Variants in NCCRP1 observed in about 807,000 individuals in gnomAD.
The protein encoded by NCCRP1 is F-box only protein 50.
NCCRP1 carries 32 observed loss-of-function variants against 34.4 expected under a neutral mutation model. The ratio of observed to expected loss-of-function variants is 0.93; its 90% CI spans 0.70 to 1.25. NCCRP1 has a LOEUF of 1.25. Ranked by LOEUF, NCCRP1 falls within the 50% of genes most tolerant of loss-of-function variation. The pLI is 0.00. For synonymous variants in NCCRP1, 172 were observed against 180.1 expected (o/e 0.95, Z 0.36); for missense variants, 372 against 391.8 (o/e 0.95, Z 0.43).
At chr19:39,197,925 C>T in intron 1 of NCCRP1, 128 bp from the exon 2 acceptor site, 2 of 1,065,752 alleles carry the variant, frequency 1.9e-6, no homozygotes, top group East Asian at 2.4e-5. Context: ...ACTCACTCAT[C>T]CCTGCCGGGC....
chr19:39,197,504 A>G (rs1368203077), intron 1 of NCCRP1, among the ~76,000 whole-genome samples, 185 bp downstream of exon 1: 2 of 150,888 alleles, frequency 1.3e-5, no homozygotes, highest in African/African-American at 4.9e-5. Context: ...CATGTCTCTT[A>G]CCTACCTCTC....
At position 39,198,220 on chromosome 19, in the gene NCCRP1, A is replaced by G; in HGVS notation, c.419A>G (p.Tyr140Cys). The change falls in exon 3 of 6, where the codon TAC becomes TGC. Residue 140 changes from tyrosine (Y) to cysteine (C), a missense_variant. Physicochemically the swap from Tyr to Cys is radical, Grantham distance 194. Transcript: ENST00000339852. ...CCTGCAGGCAATTTCCGTGGCTGGT[A>G]CATTAGAACTGAAAAGCTCCAGCAG... ...LETLGNFRGW[Y>C]IRTEKLQQNQ... 2 of 1,614,156 alleles carry G rather than the reference A, an allele frequency of 1.2e-6. No individual in the cohort carries two copies. Among genetic ancestry groups the G allele is most frequent in the Non-Finnish European group, 1.7e-6 (2 of 1,180,030 alleles).
In NCCRP1 at chr19:39,200,901, C is replaced by A; in HGVS notation, c.*145C>A. On this transcript the variant is annotated 3_prime_UTR_variant, in exon 6 of 6. Coordinates refer to ENST00000339852, the MANE Select transcript of NCCRP1 (RefSeq NM_001001414.2). The surrounding 1 kb of genome is among the most constrained non-coding windows in gnomAD (Gnocchi z 5.8). ...GCTTCACACACCCTTAAGCGGTGGA[C>A]TCCAGCATTTTCCCAGCACTGTCTG... The A allele has an allele frequency of 1.9e-6, 2 of 1,028,610 alleles. No homozygotes were observed. The highest frequency in any genetic ancestry group is 2.8e-6 in the Non-Finnish European group (2 of 714,720). The allele number at this position is 1,028,610 out of a possible 1,614,324, so 63.7% of individuals were successfully genotyped here.
At chr19:39,198,587 G>C (rs1488103816) in intron 3 of NCCRP1, among the ~76,000 whole-genome samples, 1 of 152,080 alleles carries the variant, frequency 6.6e-6, no homozygotes, top group Non-Finnish European at 1.5e-5. Context: ...AGCCTCCTGA[G>C]TAGCTAGGAT....
Position 39,200,810 on chromosome 19 carries a change from C to T in NCCRP1, c.*54C>T, listed in dbSNP as rs1031422463. 6.4e-7 allele frequency: 1 copy of T among 1,559,138 alleles called. No individual in the cohort carries two copies. The highest frequency in any genetic ancestry group is 8.6e-7 in the Non-Finnish European group (1 of 1,159,072). Reference sequence around the variant, plus strand: ...AGCACCTCCCTGACCTTTAGGAGCCCCAACTCTTAGTCACCTCCTAGGCCT... The same window carrying T: ...AGCACCTCCCTGACCTTTAGGAGCCTCAACTCTTAGTCACCTCCTAGGCCT... On this transcript the variant is annotated 3_prime_UTR_variant, in exon 6 of 6. Transcript: ENST00000339852. The surrounding 1 kb of genome is among the most constrained non-coding windows in gnomAD (Gnocchi z 5.8).
chr19:39,197,192 G>A lies in NCCRP1; in HGVS notation c.210G>A (p.Arg70=). 7.0e-7 allele frequency: 1 copy of A among 1,427,800 alleles called. No individual in the cohort carries two copies. Among genetic ancestry groups the A allele is most frequent in the Non-Finnish European group, 9.1e-7 (1 of 1,104,738 alleles). 88.4% of individuals were successfully genotyped at this position (1,427,800 alleles called of 1,614,324 possible). The change falls in exon 1 of 6, where the codon CGG becomes CGA. Residue 70 remains arginine (R), a synonymous_variant. Transcript: ENST00000339852. The part of the protein sequence containing the change: ...EPAQPSEAHA[R]QLLLEEWGPL... ...CGCAGCCGTCCGAGGCTCACGCCCG[G>A]CAGCTGCTGCTGGAGGAGTGGGGGC...
chr19:39,197,284 T>TCTAC lies in NCCRP1; in HGVS notation c.304_307dup (p.Arg103LeufsTer17). 3.4e-6 allele frequency: 5 copies of TCTAC among 1,491,074 alleles called. No individual in the cohort carries two copies. The highest frequency in any genetic ancestry group is 3.5e-6 in the Non-Finnish European group (4 of 1,130,986). The allele number at this position is 1,491,074 out of a possible 1,614,324, so 92.4% of individuals were successfully genotyped here. On this transcript the variant is annotated frameshift_variant, in exon 1 of 6. Coordinates refer to ENST00000339852, the MANE Select transcript of NCCRP1 (RefSeq NM_001001414.2). LOFTEE classifies it high-confidence loss of function. ...AAGCTGCTCCTGTTGCGGCGGCCGC[T>TCTAC]CTACCGCAACCTGCTGCGCTCGCCC...
Position 39,198,251 on chromosome 19 carries a change from A to G in NCCRP1, c.450A>G (p.Gln150=), listed in dbSNP as rs768614219. ...GAACTGAAAAGCTCCAGCAGAACCA[A>G]AGGTGAGTCGCCAGGGCCAGTGTGG... is the stretch of plus-strand genomic sequence containing the variant. ...YIRTEKLQQN[Q]SWTVKQQCVD... The change falls in exon 3 of 6, where the codon CAA becomes CAG. Residue 150 remains glutamine (Q), a splice_region_variant and synonymous_variant. Coordinates refer to ENST00000339852, the MANE Select transcript of NCCRP1 (RefSeq NM_001001414.2). 6.2e-7 allele frequency: 1 copy of G among 1,614,010 alleles called. No individual in the cohort carries two copies. The highest frequency in any genetic ancestry group is 8.5e-7 in the Non-Finnish European group (1 of 1,179,980).
Position 39,200,349 on chromosome 19 carries a change from C to G in NCCRP1, c.552C>G (p.Phe184Leu), listed in dbSNP as rs779504590. 1.2e-6 allele frequency: 2 copies of G among 1,613,200 alleles called. No individual in the cohort carries two copies. Among genetic ancestry groups the G allele is most frequent in the African/African-American group, 1.3e-5 (1 of 74,932 alleles). The change falls in exon 5 of 6, where the codon TTC becomes TTG. Residue 184 changes from phenylalanine to leucine, a missense_variant. Phe to Leu is a conservative substitution (Grantham distance 22). Coordinates refer to ENST00000339852, the MANE Select transcript of NCCRP1 (RefSeq NM_001001414.2). This position sits in a 1 kb window ranked among gnomAD's most constrained non-coding sequence, Gnocchi z 5.8. ...AAGGCCTTGACTCCGCCTGCAGGTT[C>G]GAGGACAGCCGGCTGGATGCGTGCG... ...EQPAITVMDW[F>L]EDSRLDACVY...
chr19:39,200,713 C>T lies in NCCRP1; in HGVS notation c.785C>T (p.Thr262Ile), dbSNP rs1448136556. The T allele has an allele frequency of 1.2e-6, 2 of 1,613,698 alleles. No homozygotes were observed. Among genetic ancestry groups the T allele is most frequent in the East Asian group, 4.5e-5 (2 of 44,880 alleles). The change falls in exon 6 of 6, where the codon ACA (threonine) becomes ATA (isoleucine). Residue 262 changes from threonine (T) to isoleucine (I), a missense_variant. Transcript: ENST00000339852. The surrounding 1 kb of genome is among the most constrained non-coding windows in gnomAD (Gnocchi z 5.8). ...ATGGAGCCTGGTGGGCTGCGGCGGA[C>T]ACGGGTGACCGACTCCTCCGTGTCT... Reference protein sequence around the residue: ...NRMEPGGLRRTRVTDSSVSVQ... With the variant: ...NRMEPGGLRRIRVTDSSVSVQ...
At position 39,197,135 on chromosome 19, in the gene NCCRP1, A is replaced by G. The variant is rs1465525296; in HGVS notation, c.153A>G (p.Ala51=). The G allele has an allele frequency of 6.6e-7, 1 of 1,506,226 alleles. No homozygotes were observed. The highest frequency in any genetic ancestry group is 1.2e-5 in the South Asian group (1 of 80,708). The allele number at this position is 1,506,226 out of a possible 1,614,324, so 93.3% of individuals were successfully genotyped here. A position where few individuals can be genotyped will look rare whatever the true frequency, so the allele number is the denominator to read the frequency against. The change falls in exon 1 of 6, where the codon GCA becomes GCG. Residue 51 remains alanine, a synonymous_variant. Coordinates refer to ENST00000339852, the MANE Select transcript of NCCRP1 (RefSeq NM_001001414.2). ...LPSPPSLPSP[A]APEAPELPEP... is the part of the protein sequence containing the mutation. ...CGCCGCCGTCGCTGCCATCGCCCGC[A>G]GCCCCGGAGGCCCCCGAGCTCCCCG...
intron 4 of NCCRP1, among the ~76,000 whole-genome samples, chr19:39,199,509 C>CTTTTTTTTTTTTTTTTTTTT (rs150534648): frequency 1.6e-4 from 11 of 67,868 alleles, no homozygotes; most frequent in Admixed American, 2.2e-4. Flanking sequence ...TTTTTTCTTT[C>CTTTTTTTTTTTTTTTTTTTT]TTTTTTTTTT....
At chr19:39,197,970 T>G in intron 1 of NCCRP1, 83 bp from the exon 2 acceptor site, 2 of 1,476,634 alleles carry the variant, frequency 1.4e-6, no homozygotes, top group Middle Eastern at 2.4e-4. Flanking sequence ...GCCCTTCCAG[T>G]GTATAGCCCT....
rs546123979 is a variant in NCCRP1, at chr19:39,199,219, G to A, written c.502G>A (p.Glu168Lys). Residue 168 changes from glutamate (E) to lysine (K), a missense_variant, in exon 4 of 6, where the codon GAG becomes AAG. By Grantham distance (56) the Glu-to-Lys change is moderately conservative (BLOSUM62 1). Coordinates refer to ENST00000339852, the MANE Select transcript of NCCRP1 (RefSeq NM_001001414.2). ...CVDLLAEGLW[E>K]ELLDDEQPAI... ...GGACCTTCTGGCCGAGGGCCTGTGG[G>A]AGGAGCTGCTGGATGACGAACAACC... The A allele has an allele frequency of 4.9e-5, 79 of 1,614,126 alleles. 2 individuals are homozygous for A. In the South Asian group the frequency reaches 7.4e-4, roughly 15 times the overall value.
rs1198763830 is a variant in NCCRP1, at chr19:39,199,195, G to A, written c.478G>A (p.Asp160Asn). ...CTGGACAGTGAAGCAGCAGTGTGTG[G>A]ACCTTCTGGCCGAGGGCCTGTGGGA... ...QSWTVKQQCVDLLAEGLWEEL... is the reference protein window; with the variant it reads ...QSWTVKQQCVNLLAEGLWEEL... The change falls in exon 4 of 6, where the codon GAC (aspartate) becomes AAC (asparagine). Residue 160 changes from aspartate to asparagine, a missense_variant. Physicochemically the swap from Asp to Asn is conservative, Grantham distance 23. Transcript: ENST00000339852. 6.2e-7 allele frequency: 1 copy of A among 1,613,978 alleles called. No individual in the cohort carries two copies. Among genetic ancestry groups the A allele is most frequent in the Non-Finnish European group, 8.5e-7 (1 of 1,180,008 alleles).
chr19:39,200,433 C>G lies in NCCRP1; in HGVS notation c.636C>G (p.His212Gln). 1 of 1,613,584 alleles carries G rather than the reference C, an allele frequency of 6.2e-7. No individual in the cohort carries two copies. The highest frequency in any genetic ancestry group is 1.1e-5 in the South Asian group (1 of 91,084). The change falls in exon 5 of 6, where the codon CAC (histidine) becomes CAG (glutamine). Residue 212 changes from histidine (H) to glutamine (Q), a missense_variant. His to Gln is a conservative substitution (Grantham distance 24, BLOSUM62 0). Transcript: ENST00000339852. This position sits in a 1 kb window ranked among gnomAD's most constrained non-coding sequence, Gnocchi z 5.8. ...ACCGCCGCACGGTCATTGCTCAGCA[C>G]CACGTGGCCCCCCGAACTTCTGGGA... is the stretch of plus-strand genomic sequence containing the variant. ...AADRRTVIAQ[H>Q]HVAPRTSGRG...
chr19:39,198,560 T>C (rs1386018669), intron 3 of NCCRP1, among the ~76,000 whole-genome samples: 1 of 152,080 alleles, frequency 6.6e-6, no homozygotes, highest in Non-Finnish European at 1.5e-5. Flanking sequence ...CCCAGGTTCA[T>C]GCAATTCTCC....
rs1057160296 is a variant in NCCRP1, at chr19:39,200,062, C to T, written c.549-284C>T. On this transcript the variant is annotated intron_variant, in intron 4 of 5. Transcript: ENST00000339852. The surrounding 1 kb of genome is among the most constrained non-coding windows in gnomAD (Gnocchi z 5.8). ...CTGTCCCCAACTCCTCTGCCTGGGT[C>T]CCCCCATCCTGGCCCTGACCCCTCT... Among the ~76,000 whole-genome samples the T allele has an allele frequency of 6.6e-6, 1 of 152,006 alleles. No homozygotes were observed. The highest frequency in any genetic ancestry group is 2.4e-5 in the African/African-American group (1 of 41,368).
chr19:39,198,082 ACTG>A lies in NCCRP1; in HGVS notation c.368_370del (p.Thr123_Gly124delinsSer). ...CAACATTTATGAGCCAGCACCCCCTACTGGTCCCACCCAGCGACCCCTGGAAAC... is the reference window on the plus strand; with the variant it reads ...CAACATTTATGAGCCAGCACCCCCTAGTCCCACCCAGCGACCCCTGGAAAC... On this transcript the variant is annotated inframe_deletion, in exon 2 of 6. Transcript: ENST00000339852. 1 of 1,613,976 alleles carries A rather than the reference ACTG, an allele frequency of 6.2e-7. No individual in the cohort carries two copies. Among genetic ancestry groups the A allele is most frequent in the South Asian group, 1.1e-5 (1 of 91,066 alleles).
Sources: allele counts gnomAD v4.1 joint callset (sites outside exome capture counted in the v4.1 genomes callset), GRCh38; gene constraint gnomAD v4.1.1; non-coding constraint Gnocchi (gnomAD v3.1); transcripts MANE v1.5; gene names NCBI Gene and HGNC (gene_info 2026-07-23, HGNC 2026-07-21).